SIPA1L1: variants seen among roughly 807,000 people sequenced by gnomAD.
SIPA1L1 encodes the protein signal-induced proliferation-associated 1-like protein 1.
Under a neutral mutation model 162.7 loss-of-function variants are expected in SIPA1L1, and 26 were observed. The ratio of observed to expected loss-of-function variants is 0.16; its 90% CI spans 0.12 to 0.22. The LOEUF is 0.22. SIPA1L1 is among the 10% of genes least tolerant of loss of function. The pLI, the probability that SIPA1L1 is intolerant of heterozygous loss-of-function variation, is 1.00. For missense variants in SIPA1L1, 1,874 were observed against 2,241.0 expected, an observed-to-expected ratio of 0.84 and a Z score of 3.31; for synonymous variants, 829 against 837.4, an observed-to-expected ratio of 0.99 and a Z score of 0.17.
intron 2 of SIPA1L1, among the ~76,000 whole-genome samples, chr14:71,487,399 T>G (rs1168747343): frequency 1.3e-5 from 2 of 152,192 alleles, no homozygotes; most frequent in Non-Finnish European, 2.9e-5. Flanking sequence ...GTGCCTGACT[T>G]CTCATAGGAA....
At chr14:71,459,455 A>G (rs1367394711) in intron 2 of SIPA1L1, among the ~76,000 whole-genome samples, 1 of 151,408 alleles carries the variant, frequency 6.6e-6, no homozygotes, top group Non-Finnish European at 1.5e-5. Flanking sequence ...CTATCTATCC[A>G]TCCAGAGAGA....
At chr14:71,515,092 A>G (rs890203511) in intron 3 of SIPA1L1, among the ~76,000 whole-genome samples, 1 of 152,192 alleles carries the variant, frequency 6.6e-6, no homozygotes, top group Non-Finnish European at 1.5e-5. Flanking sequence ...TCTTTCCTTC[A>G]TGCTTATGTT....
At chr14:71,609,378 C>T (rs1190592500) in intron 5 of SIPA1L1, among the ~76,000 whole-genome samples, 1 of 152,154 alleles carries the variant, frequency 6.6e-6, no homozygotes, top group East Asian at 1.9e-4. Flanking sequence ...AAGTGCTCAT[C>T]ACACCTCATC....
At chr14:71,738,825 A>T (rs1368600678) in intron 23 of SIPA1L1, among the ~76,000 whole-genome samples, 193 bp from the exon 24 acceptor site, 3 of 152,162 alleles carry the variant, frequency 2.0e-5, no homozygotes, top group Admixed American at 1.3e-4. Flanking sequence ...GCAGGGTTGA[A>T]TCTCTCTAGA....
intron 4 of SIPA1L1, among the ~76,000 whole-genome samples, chr14:71,558,223 A>G (rs1033346695): frequency 2.0e-5 from 3 of 152,186 alleles, no homozygotes; most frequent in African/African-American, 7.2e-5. Context: ...TGTTGAGTGA[A>G]TATCAGGGCA....
chr14:71,688,906 G>A (rs919486279), intron 13 of SIPA1L1, among the ~76,000 whole-genome samples: 1 of 152,114 alleles, frequency 6.6e-6, no homozygotes, highest in Admixed American at 6.6e-5. Context: ...TTTAACCATA[G>A]AGAAACCAGC....
chr14:71,530,179 A>T (rs1294646745), intron 4 of SIPA1L1, among the ~76,000 whole-genome samples: 4 of 152,238 alleles, frequency 2.6e-5, no homozygotes, highest in Admixed American at 6.5e-5. Context: ...CCCTGGGGAA[A>T]TGTAGGAGTA....
At chr14:71,656,435 G>A (rs1192720685) in intron 8 of SIPA1L1, among the ~76,000 whole-genome samples, 1 of 152,054 alleles carries the variant, frequency 6.6e-6, no homozygotes, top group Non-Finnish European at 1.5e-5. Context: ...GTTTTAAAAT[G>A]TGCTGATCTG....
intron 11 of SIPA1L1, 60 bp downstream of exon 11, chr14:71,671,752 G>T: frequency 7.7e-7 from 1 of 1,302,268 alleles, no homozygotes; most frequent in Non-Finnish European, 1.1e-6. Context: ...TTTCAATACA[G>T]ACTAGAGCCA....
intron 2 of SIPA1L1, among the ~76,000 whole-genome samples, chr14:71,324,274 G>A (rs1423355522): frequency 6.6e-6 from 1 of 152,186 alleles, no homozygotes; most frequent in African/African-American, 2.4e-5. Context: ...CCCATTTTAC[G>A]TATGAGGAAA....
At chr14:71,320,751 C>A (rs1295464800) in intron 1 of SIPA1L1, among the ~76,000 whole-genome samples, 1 of 151,138 alleles carries the variant, frequency 6.6e-6, no homozygotes, top group African/African-American at 2.4e-5. Flanking sequence ...GGAGCCCGGA[C>A]CCCCGCACTT....
At chr14:71,353,522 T>A (rs1461432608) in intron 2 of SIPA1L1, among the ~76,000 whole-genome samples, 3 of 152,196 alleles carry the variant, frequency 2.0e-5, no homozygotes, top group Non-Finnish European at 4.4e-5. Context: ...TGAAGGGTTT[T>A]AAGCGCAGCA....
chr14:71,328,377 T>C (rs1174175073), intron 2 of SIPA1L1, among the ~76,000 whole-genome samples: 5 of 152,202 alleles, frequency 3.3e-5, no homozygotes, highest in Admixed American at 6.5e-5. Flanking sequence ...GAGAATCACA[T>C]GAACCTTGAG....
intron 12 of SIPA1L1, among the ~76,000 whole-genome samples, chr14:71,672,928 A>G (rs1206469476): frequency 1.3e-5 from 2 of 152,208 alleles, no homozygotes; most frequent in African/African-American, 2.4e-5. Context: ...CTGGGAGCTG[A>G]GAAACATTGA....
intron 2 of SIPA1L1, among the ~76,000 whole-genome samples, chr14:71,420,768 A>G (rs180782234): frequency 1.9e-4 from 29 of 152,064 alleles, no homozygotes; most frequent in African/African-American, 6.3e-4. Context: ...ATATTATACT[A>G]TTTAACTTAT....
chr14:71,614,824 A>G (rs1183790140), intron 5 of SIPA1L1, among the ~76,000 whole-genome samples: 1 of 152,184 alleles, frequency 6.6e-6, no homozygotes, highest in African/African-American at 2.4e-5. Context: ...ATTATCATTA[A>G]TTTTACAGTT....
At chr14:71,404,950 A>G (rs991903770) in intron 2 of SIPA1L1, among the ~76,000 whole-genome samples, 2 of 152,204 alleles carry the variant, frequency 1.3e-5, no homozygotes, top group African/African-American at 4.8e-5. Context: ...TAGTTCATTC[A>G]TTCAACAGAG....
intron 2 of SIPA1L1, among the ~76,000 whole-genome samples, chr14:71,446,746 C>G (rs937170486): frequency 6.6e-6 from 1 of 151,848 alleles, no homozygotes; most frequent in African/African-American, 2.4e-5. Flanking sequence ...GTCTGAATGA[C>G]TTTTTCTGTT....
In SIPA1L1 at chr14:71,739,112, A is replaced by G; in HGVS notation, c.5303A>G (p.Lys1768Arg). The change falls in exon 24 of 24, where the codon AAG (lysine) becomes AGG (arginine). Residue 1768 changes from lysine (K) to arginine (R), a missense_variant. Physicochemically the swap from Lys to Arg is conservative, Grantham distance 26. Transcript: ENST00000381232. ...LQEESQNASD[K>R]LKKFTEWVFN... ...GAGGAGTCCCAGAACGCCTCGGACA[A>G]GCTGAAGAAGTTCACAGAATGGGTC... The G allele has an allele frequency of 6.2e-7, 1 of 1,614,092 alleles. No individual in the cohort carries two copies. Among genetic ancestry groups the G allele is most frequent in the Non-Finnish European group, 8.5e-7 (1 of 1,179,968 alleles).
Sources: gnomAD v4.1 joint callset for allele counts (sites outside exome capture counted in the v4.1 genomes callset) on GRCh38, gnomAD v4.1.1 for gene constraint, MANE v1.5 for transcripts, NCBI Gene and HGNC (gene_info 2026-07-23, HGNC 2026-07-21) for gene names.